Variants in EYS observed in about 807,000 individuals in gnomAD.
EYS encodes the protein EGF-like photoreceptor maintenance factor.
EYS carries 250 observed loss-of-function variants against 282.1 expected under a neutral mutation model. The ratio of observed to expected loss-of-function variants is 0.89; its 90% CI spans 0.80 to 0.98. The LOEUF is 0.98. Among genes scored for constraint, EYS ranks in the 50% least tolerant of loss-of-function variants. The probability of loss-of-function intolerance (pLI) is 0.00; values close to 1 mark genes in which losing one functional copy is unlikely to be tolerated. For missense variants in EYS, 4,016 were observed against 3,709.0 expected (o/e 1.08, Z -2.15); for synonymous variants, 1,355 against 1,282.9 (o/e 1.06, Z -1.20).
At chr6:63,792,076 A>G (rs115641271) in intron 37 of EYS, among the ~76,000 whole-genome samples, 3,175 of 152,028 alleles carry the variant, frequency 0.021, 42 homozygotes, top group South Asian at 0.035. Flanking sequence ...GTGCAGTGGC[A>G]GGGTCAGTCA....
chr6:65,430,844 C>T (rs755948746), intron 5 of EYS, among the ~76,000 whole-genome samples: 8 of 152,176 alleles, frequency 5.3e-5, no homozygotes, highest in African/African-American at 1.9e-4. Flanking sequence ...TACCTGCTAA[C>T]TGAAGAGCCC....
chr6:64,910,847 A>C (rs1046568778), intron 16 of EYS, among the ~76,000 whole-genome samples: 7 of 152,082 alleles, frequency 4.6e-5, no homozygotes, highest in African/African-American at 1.4e-4. Flanking sequence ...AAATAGCAAA[A>C]GAATTTTTAA....
chr6:64,407,342 A>C (rs1773751423), intron 28 of EYS, among the ~76,000 whole-genome samples: 2 of 152,266 alleles, frequency 1.3e-5, no homozygotes, highest in South Asian at 4.1e-4. Context: ...AGAAATACCT[A>C]GTGTAGATGA....
intron 5 of EYS, among the ~76,000 whole-genome samples, chr6:65,428,507 AT>A (rs5876963): frequency 4.1e-4 from 60 of 147,518 alleles, no homozygotes; most frequent in African/African-American, 5.7e-4. Context: ...CATTAAACTC[AT>A]TTTTTTTTTT....
chr6:63,859,079 T>TG (rs1480907790), intron 36 of EYS, among the ~76,000 whole-genome samples: 3 of 20,268 alleles, frequency 1.5e-4, no homozygotes, highest in South Asian at 2.3e-3. Context: ...TAGAGAGTTT[T>TG]TTTTTTTTTT....
At chr6:65,247,710 C>G (rs1444511641) in intron 12 of EYS, among the ~76,000 whole-genome samples, 2 of 152,052 alleles carry the variant, frequency 1.3e-5, no homozygotes, top group Non-Finnish European at 1.5e-5. Context: ...GATTAGAATG[C>G]ATTACATTTC....
chr6:65,462,314 A>G (rs1764852397), intron 5 of EYS, among the ~76,000 whole-genome samples: 1 of 151,990 alleles, frequency 6.6e-6, no homozygotes, highest in Non-Finnish European at 1.5e-5. Flanking sequence ...AGTGAGGGAG[A>G]GTGTGGCTGC....
At chr6:64,651,472 A>C (rs1433945554) in intron 22 of EYS, among the ~76,000 whole-genome samples, 1 of 152,146 alleles carries the variant, frequency 6.6e-6, no homozygotes, top group African/African-American at 2.4e-5. Context: ...AAAGATAATA[A>C]AGTAAAATAA....
At chr6:64,418,924 T>C (rs1262337971) in intron 28 of EYS, among the ~76,000 whole-genome samples, 1 of 152,228 alleles carries the variant, frequency 6.6e-6, no homozygotes, top group East Asian at 1.9e-4. Context: ...GGATGCTTTG[T>C]GAACGGTGGT....
At chr6:64,988,526 T>G (rs1770944344) in intron 14 of EYS, among the ~76,000 whole-genome samples, 1 of 151,566 alleles carries the variant, frequency 6.6e-6, no homozygotes, top group Non-Finnish European at 1.5e-5. Context: ...TCTTCTTTCC[T>G]TCCTTTCTTT....
intron 5 of EYS, among the ~76,000 whole-genome samples, chr6:65,464,188 T>C (rs749732769): frequency 2.6e-5 from 4 of 152,150 alleles, no homozygotes; most frequent in Non-Finnish European, 5.9e-5. Flanking sequence ...CATTGATGCA[T>C]TTTAATTGTT....
At chr6:64,658,327 C>T (rs1034981810) in intron 22 of EYS, among the ~76,000 whole-genome samples, 2 of 151,808 alleles carry the variant, frequency 1.3e-5, no homozygotes, top group African/African-American at 4.8e-5. Flanking sequence ...GAAGTTTGAT[C>T]GTCTGAAGCC....
At chr6:65,223,223 T>C (rs575784) in intron 12 of EYS, among the ~76,000 whole-genome samples, 57,053 of 151,724 alleles carry the variant, frequency 0.38, 11,691 homozygotes, top group African/African-American at 0.54. Context: ...AAAAATTAGC[T>C]GGGCGTGGTG....
At chr6:63,724,416 T>C (rs368014626) in intron 42 of EYS, among the ~76,000 whole-genome samples, 56 of 141,320 alleles carry the variant, frequency 4.0e-4, no homozygotes, top group Middle Eastern at 3.4e-3. Context: ...TTTAAACTTA[T>C]TTATATATTT....
At chr6:65,250,731 C>T (rs1767298493) in intron 12 of EYS, among the ~76,000 whole-genome samples, 2 of 151,464 alleles carry the variant, frequency 1.3e-5, no homozygotes, top group African/African-American at 4.8e-5. Flanking sequence ...TGAATATAAA[C>T]CCATGTATAT....
intron 28 of EYS, among the ~76,000 whole-genome samples, chr6:64,391,903 T>C (rs1004228230): frequency 2.0e-5 from 3 of 152,106 alleles, no homozygotes; most frequent in Non-Finnish European, 4.4e-5. Flanking sequence ...GAGACACACA[T>C]AGGCTCAAAA....
intron 22 of EYS, among the ~76,000 whole-genome samples, chr6:64,804,480 CCAAA>C (rs1764362894): frequency 6.6e-6 from 1 of 152,068 alleles, no homozygotes; most frequent in Non-Finnish European, 1.5e-5. Flanking sequence ...GGTAATTATG[CCAAA>C]CAAACTATCA....
intron 12 of EYS, among the ~76,000 whole-genome samples, chr6:65,072,819 A>G (rs912993337): frequency 6.6e-6 from 1 of 151,622 alleles, no homozygotes. Context: ...TTTGAAAAAA[A>G]TCAAGTAAAA....
At chr6:63,903,214 C>T (rs961885719) in intron 35 of EYS, among the ~76,000 whole-genome samples, 1 of 152,034 alleles carries the variant, frequency 6.6e-6, no homozygotes, top group African/African-American at 2.4e-5. Context: ...AATATGGAAT[C>T]TAAGCTGGGA....
Sources: allele counts gnomAD v4.1 joint callset (sites outside exome capture counted in the v4.1 genomes callset), GRCh38; gene constraint gnomAD v4.1.1; transcripts MANE v1.5; gene names NCBI Gene and HGNC (gene_info 2026-07-23, HGNC 2026-07-21).